Variants in SYNRG observed in about 807,000 individuals in gnomAD.
The protein encoded by SYNRG is AP1 gamma subunit binding protein 1.
In SYNRG, 37 loss-of-function variants were observed where a neutral mutation model predicts 130.9. The observed-to-expected ratio is 0.28, with a 90% CI of 0.22 to 0.37. SYNRG has a LOEUF of 0.37. Among genes scored for constraint, SYNRG ranks in the 10% least tolerant of loss-of-function variants. The pLI, the probability that SYNRG is intolerant of heterozygous loss-of-function variation, is 1.00. For missense variants in SYNRG, 1,338 were observed against 1,588.9 expected (o/e 0.84, Z 2.68); for synonymous variants, 539 against 568.1 (o/e 0.95, Z 0.73).
rs768530552 is a variant in SYNRG, at chr17:37,529,740, C to T, written c.3666+6239G>A. The T allele has an allele frequency of 2.3e-5, 36 of 1,538,806 alleles. No individual in the cohort carries two copies. The South Asian group carries it at 4.0e-4, about 17-fold the overall frequency. ...GGAATCTCCCCACTTATCCTTTCCC[C>T]CAAATTCACAAGCTTGGCAAGTACG... On this transcript the variant is annotated intron_variant, in intron 19 of 21. Coordinates refer to ENST00000612223, the MANE Select transcript of SYNRG (RefSeq NM_007247.6).
chr17:37,533,410 AAAAAC>A (rs2056841654), intron 19 of SYNRG, among the ~76,000 whole-genome samples: 1 of 151,764 alleles, frequency 6.6e-6, no homozygotes, highest in African/African-American at 2.4e-5. Context: ...GGGGAAAAAA[AAAAAC>A]AAAACAGTCT....
chr17:37,551,889 AAGAC>A (rs1432141459), intron 14 of SYNRG, among the ~76,000 whole-genome samples: 9 of 151,856 alleles, frequency 5.9e-5, no homozygotes, highest in Non-Finnish European at 1.3e-4. Context: ...AAAAAAAAAA[AAGAC>A]AGAAAGTAGA....
Position 37,577,573 on chromosome 17 carries a change from T to C in SYNRG, c.630A>G (p.Ile210Met). ...TAATTTGTTCCTGCCCAGATGTACTTATATCACAAGATACTAGGAACTTCT... is the reference window on the plus strand; with the variant it reads ...TAATTTGTTCCTGCCCAGATGTACTCATATCACAAGATACTAGGAACTTCT... ...LEEKFLVSCD[I>M]STSGQEQIKL... The change falls in exon 7 of 22, where the codon ATA (isoleucine) becomes ATG (methionine). Residue 210 changes from isoleucine to methionine, a missense_variant. Coordinates refer to ENST00000612223, the MANE Select transcript of SYNRG (RefSeq NM_007247.6). 1 of 1,614,192 alleles carries C rather than the reference T, an allele frequency of 6.2e-7. No homozygotes were observed. The highest frequency in any genetic ancestry group is 8.5e-7 in the Non-Finnish European group (1 of 1,180,044).
chr17:37,534,342 A>T (rs946262054), intron 19 of SYNRG, among the ~76,000 whole-genome samples: 1 of 152,056 alleles, frequency 6.6e-6, no homozygotes, highest in African/African-American at 2.4e-5. Flanking sequence ...ATTAAAAAAT[A>T]TTTTTTTATC....
intron 5 of SYNRG, 145 bp downstream of exon 5, chr17:37,585,180 T>C (rs2061601860): frequency 3.1e-6 from 2 of 637,508 alleles, no homozygotes; most frequent in East Asian, 5.4e-5. Flanking sequence ...CCCTTCACAT[T>C]AGTAATTAGG....
At chr17:37,580,299 T>C (rs1239920817) in intron 6 of SYNRG, among the ~76,000 whole-genome samples, 1 of 147,676 alleles carries the variant, frequency 6.8e-6, no homozygotes, top group African/African-American at 2.5e-5. Context: ...AAAAGAACTT[T>C]TTTTTTTTTT....
Position 37,569,631 on chromosome 17 carries a change from G to C in SYNRG, c.1348-707C>G, listed in dbSNP as rs563513718. Among the ~76,000 whole-genome samples, 3 of 146,968 alleles carry C rather than the reference G, an allele frequency of 2.0e-5. No homozygotes were observed. In the South Asian group the frequency reaches 6.5e-4, roughly 32 times the overall value. Reference sequence around the variant, plus strand: ...GACCGTGCCACTGCACTCCAGCCTGGGCAACACAGCAAGACTCTGTCTCAA... The same window carrying C: ...GACCGTGCCACTGCACTCCAGCCTGCGCAACACAGCAAGACTCTGTCTCAA... On this transcript the variant is annotated intron_variant, in intron 10 of 21. Coordinates refer to ENST00000612223, the MANE Select transcript of SYNRG (RefSeq NM_007247.6).
At chr17:37,523,244 C>T (rs12937251) in intron 19 of SYNRG, among the ~76,000 whole-genome samples, 1,804 of 152,238 alleles carry the variant, frequency 0.012, 47 homozygotes, top group African/African-American at 0.041. Context: ...TCACTGCAGC[C>T]TCAAACTCTT....
At chr17:37,569,309 C>G (rs1598407997) in intron 10 of SYNRG, among the ~76,000 whole-genome samples, 1 of 150,714 alleles carries the variant, frequency 6.6e-6, no homozygotes, top group Non-Finnish European at 1.5e-5. Flanking sequence ...ACGTGGGTGG[C>G]TGAGGCCAGA....
At chr17:37,595,810 A>G (rs933305746) in intron 3 of SYNRG, among the ~76,000 whole-genome samples, 14 of 148,806 alleles carry the variant, frequency 9.4e-5, no homozygotes, top group Non-Finnish European at 1.9e-4. Flanking sequence ...GCTGGAGTAC[A>G]GTGGCATGAT....
intron 19 of SYNRG, among the ~76,000 whole-genome samples, chr17:37,523,802 G>C (rs1343208366): frequency 6.6e-6 from 1 of 152,186 alleles, no homozygotes; most frequent in African/African-American, 2.4e-5. Flanking sequence ...TTGGTCTAAT[G>C]AGTATGACTG....
intron 21 of SYNRG, 134 bp from the exon 22 acceptor site, chr17:37,519,205 A>G: frequency 8.6e-7 from 1 of 1,165,814 alleles, no homozygotes; most frequent in Non-Finnish European, 1.2e-6. Flanking sequence ...ATAAAAGCTG[A>G]GCGGATAGCT....
intron 13 of SYNRG, among the ~76,000 whole-genome samples, chr17:37,558,200 A>T (rs2059259744): frequency 6.6e-6 from 1 of 152,238 alleles, no homozygotes; most frequent in Non-Finnish European, 1.5e-5. Flanking sequence ...CCTAACAGTT[A>T]TATGGGGCTG....
At chr17:37,560,524 C>T (rs763297839) in intron 13 of SYNRG, among the ~76,000 whole-genome samples, 17 of 150,856 alleles carry the variant, frequency 1.1e-4, no homozygotes, top group Admixed American at 2.0e-4. Flanking sequence ...TTTTTAGTAG[C>T]GATGGGGTCT....
chr17:37,540,385 C>T lies in SYNRG; in HGVS notation c.3361G>A (p.Val1121Met), dbSNP rs2057632913. ...GTAGAAAGCTCTCCTCTCACCTCCA[C>T]CTCTCCCGTCAGGTCTTTGTACTTG... ...RDKYKDLTGEVEENERYAYEW... is the reference protein window; with the variant it reads ...RDKYKDLTGEMEENERYAYEW... The change falls in exon 16 of 22, where the codon GTG becomes ATG. Residue 1121 changes from valine (V) to methionine (M), a missense_variant. Transcript: ENST00000612223. 4 of 1,613,612 alleles carry T rather than the reference C, an allele frequency of 2.5e-6. No individual in the cohort carries two copies. In the East Asian group the frequency reaches 8.9e-5, roughly 36 times the overall value.
At chr17:37,547,760 G>A (rs1052969255) in intron 14 of SYNRG, among the ~76,000 whole-genome samples, 5 of 152,120 alleles carry the variant, frequency 3.3e-5, no homozygotes, top group African/African-American at 1.2e-4. Context: ...ACTGTGCCTG[G>A]CCGTCATTTG....
Position 37,569,006 on chromosome 17 carries a change from C to T in SYNRG, c.1348-82G>A. ...ACAAATCAAAAGTCAATCTCAAAGA[C>T]TGCCTTTAAAATTTCTCAGTTTAGA... On this transcript the variant is annotated intron_variant, in intron 10 of 21. Transcript: ENST00000612223. 5.4e-6 allele frequency: 8 copies of T among 1,479,784 alleles called. No homozygotes were observed. In the South Asian group the frequency reaches 9.1e-5, roughly 17 times the overall value. 91.7% of individuals were successfully genotyped at this position (1,479,784 alleles called of 1,614,324 possible).
intron 3 of SYNRG, among the ~76,000 whole-genome samples, chr17:37,588,740 T>TA (rs2061898380): frequency 8.1e-6 from 1 of 122,868 alleles, no homozygotes; most frequent in South Asian, 3.0e-4. Flanking sequence ...CTAGAATTAT[T>TA]CTTTTTTTTT....
chr17:37,575,836 G>C (rs1598447647), intron 8 of SYNRG, among the ~76,000 whole-genome samples: 1 of 110,130 alleles, frequency 9.1e-6, no homozygotes, highest in Non-Finnish European at 1.7e-5. Flanking sequence ...GTAAGACCTT[G>C]TCTCAAAAAA....
Sources: allele counts gnomAD v4.1 joint callset (sites outside exome capture counted in the v4.1 genomes callset), GRCh38; gene constraint gnomAD v4.1.1; transcripts MANE v1.5; gene names NCBI Gene and HGNC (gene_info 2026-07-23, HGNC 2026-07-21).